Variants in CAMTA1 observed in about 807,000 individuals in gnomAD.
The protein encoded by CAMTA1 is calmodulin binding transcription activator 1, also known as calmodulin-binding transcription activator 1.
Under a neutral mutation model 170.9 loss-of-function variants are expected in CAMTA1, and 27 were observed. The ratio of observed to expected loss-of-function variants is 0.16; its 90% confidence interval spans 0.12 to 0.22. The LOEUF (loss-of-function observed/expected upper bound fraction) is 0.22, where lower values mean the gene tolerates loss of function less well. Ranked by LOEUF, CAMTA1 falls within the 10% of genes least tolerant of loss-of-function variation. The pLI is 1.00. For synonymous variants in CAMTA1, 833 were observed against 891.5 expected (o/e 0.93, Z 1.17); for missense variants, 1,619 against 2,217.2 (o/e 0.73, Z 5.42).
chr1:7,733,666 C>T (rs1030308466), intron 12 of CAMTA1, among the ~76,000 whole-genome samples: 3 of 113,150 alleles, frequency 2.7e-5, no homozygotes, highest in African/African-American at 9.1e-5. Flanking sequence ...ACTACTCAGT[C>T]GTTGCAAAAA....
chr1:6,987,447 GA>G (rs1296498736), intron 3 of CAMTA1, among the ~76,000 whole-genome samples: 1 of 152,222 alleles, frequency 6.6e-6, no homozygotes, highest in Non-Finnish European at 1.5e-5. Flanking sequence ...TTACAGGCGT[GA>G]GCCATCACGC....
chr1:7,466,916 C>G (rs1459304850), intron 5 of CAMTA1, among the ~76,000 whole-genome samples: 1 of 152,184 alleles, frequency 6.6e-6, no homozygotes, highest in Non-Finnish European at 1.5e-5. Context: ...GACCTTCCAG[C>G]TGGATTGCAA....
At chr1:7,340,562 C>CTCCCTCCCTCCCT (rs1401612010) in intron 5 of CAMTA1, among the ~76,000 whole-genome samples, 1 of 149,292 alleles carries the variant, frequency 6.7e-6, no homozygotes, top group African/African-American at 2.5e-5. Context: ...GCCTCCCTCC[C>CTCCCTCCCTCCCT]TCCCTTCCTT....
chr1:6,840,363 G>A (rs1396817494), intron 3 of CAMTA1, among the ~76,000 whole-genome samples: 1 of 152,146 alleles, frequency 6.6e-6, no homozygotes, highest in Non-Finnish European at 1.5e-5. Context: ...AGTCTGTTGC[G>A]ATAACTGGTG....
intron 5 of CAMTA1, among the ~76,000 whole-genome samples, chr1:7,265,560 C>T (rs1404368591): frequency 6.6e-6 from 1 of 152,154 alleles, no homozygotes; most frequent in African/African-American, 2.4e-5. Context: ...GTGATCTGCC[C>T]ACCTTGGCCT....
intron 5 of CAMTA1, among the ~76,000 whole-genome samples, chr1:7,319,719 G>C (rs774462565): frequency 6.6e-6 from 1 of 152,126 alleles, no homozygotes; most frequent in Admixed American, 6.5e-5. Context: ...TCTGTCAGCC[G>C]CATTCCAAGT....
In CAMTA1 at chr1:7,631,962, G is replaced by T. The variant is rs549257433; in HGVS notation, c.511-8438G>T. Among the ~76,000 whole-genome samples, 4 of 152,316 alleles carry T rather than the reference G, an allele frequency of 2.6e-5. No individual in the cohort carries two copies. In the East Asian group the frequency reaches 7.7e-4, roughly 29 times the overall value. On this transcript the variant is annotated intron_variant, in intron 6 of 22. Coordinates refer to ENST00000303635, the MANE Select transcript of CAMTA1 (RefSeq NM_015215.4). ...GCCAGAAGGTGGGTGAGAGGATTTT[G>T]CTCAGTCCTGCAGCCTAGTGACACC...
chr1:7,263,748 C>A (rs1668508093), intron 5 of CAMTA1, among the ~76,000 whole-genome samples: 2 of 152,176 alleles, frequency 1.3e-5, no homozygotes, highest in South Asian at 4.1e-4. Flanking sequence ...GAGCTATTTA[C>A]ATCTGGCATT....
chr1:7,176,187 A>C (rs116533900), intron 4 of CAMTA1, among the ~76,000 whole-genome samples: 3,753 of 152,336 alleles, frequency 0.025, 163 homozygotes, highest in African/African-American at 0.086. Context: ...CCCCTGCTGC[A>C]TTTTGTCAGA....
intron 4 of CAMTA1, among the ~76,000 whole-genome samples, chr1:7,212,057 T>C (rs1658871135): frequency 6.6e-6 from 1 of 152,226 alleles, no homozygotes; most frequent in African/African-American, 2.4e-5. Flanking sequence ...AGTTAACCTA[T>C]ACCACTGAAG....
At chr1:7,329,527 A>T (rs150177067) in intron 5 of CAMTA1, among the ~76,000 whole-genome samples, 2 of 152,254 alleles carry the variant, frequency 1.3e-5, no homozygotes, top group Non-Finnish European at 2.9e-5. Context: ...TTTTTCTGAA[A>T]ACTCTTTTTT....
At chr1:7,137,465 A>G (rs1645609285) in intron 4 of CAMTA1, among the ~76,000 whole-genome samples, 1 of 152,200 alleles carries the variant, frequency 6.6e-6, no homozygotes, top group Admixed American at 6.5e-5. Flanking sequence ...TGGCTGGAGA[A>G]AAACAGGTAC....
At chr1:7,675,367 T>C (rs2096107285) in intron 10 of CAMTA1, among the ~76,000 whole-genome samples, 1 of 152,216 alleles carries the variant, frequency 6.6e-6, no homozygotes, top group Admixed American at 6.5e-5. Context: ...TTGATGTTAC[T>C]TGCAATGGGA....
intron 3 of CAMTA1, among the ~76,000 whole-genome samples, chr1:6,989,699 T>TG (rs1695999748): frequency 6.6e-6 from 1 of 152,152 alleles, no homozygotes; most frequent in African/African-American, 2.4e-5. Context: ...AATGCTGGCA[T>TG]GGGGGTGCTA....
intron 3 of CAMTA1, among the ~76,000 whole-genome samples, chr1:6,912,065 G>A (rs1679815587): frequency 6.6e-6 from 1 of 152,174 alleles, no homozygotes; most frequent in East Asian, 1.9e-4. Flanking sequence ...TAGGATCCCC[G>A]GATTGGTGGG....
chr1:7,244,186 A>G (rs1266482153), intron 4 of CAMTA1, among the ~76,000 whole-genome samples: 5 of 152,170 alleles, frequency 3.3e-5, no homozygotes, highest in Non-Finnish European at 5.9e-5. Flanking sequence ...CAAAACCACA[A>G]TGAGATACCA....
At chr1:6,803,464 A>T (rs1360920693) in intron 1 of CAMTA1, among the ~76,000 whole-genome samples, 1 of 152,322 alleles carries the variant, frequency 6.6e-6, no homozygotes, top group Non-Finnish European at 1.5e-5. Context: ...ACAAAATTAT[A>T]GAAGACAGGT....
chr1:7,692,210 A>G (rs1396692092), intron 11 of CAMTA1, among the ~76,000 whole-genome samples: 1 of 152,174 alleles, frequency 6.6e-6, no homozygotes, highest in African/African-American at 2.4e-5. Flanking sequence ...AAAGTGCAGA[A>G]GCTTGACCCT....
intron 5 of CAMTA1, among the ~76,000 whole-genome samples, chr1:7,393,595 A>C (rs944283296): frequency 6.6e-6 from 1 of 151,994 alleles, no homozygotes; most frequent in Non-Finnish European, 1.5e-5. Flanking sequence ...ATAATTGTAC[A>C]TGTTTATGGG....
Sources: gnomAD v4.1 joint callset for allele counts (sites outside exome capture counted in the v4.1 genomes callset) on GRCh38, gnomAD v4.1.1 for gene constraint, MANE v1.5 for transcripts, NCBI Gene and HGNC (gene_info 2026-07-23, HGNC 2026-07-21) for gene names.